The following DUX4 variants were observed in gnomAD, a reference collection of about 807,000 sequenced individuals.
DUX4 encodes the protein double homeobox protein 4.
chr4:190,180,009 C>CCGGTGT (rs1742524902), downstream of DUX4, among the ~76,000 whole-genome samples: 1 of 101,056 alleles, frequency 9.9e-6, no homozygotes, highest in Non-Finnish European at 2.0e-5. Flanking sequence ...AGAGCTTAAA[C>CCGGTGT]TAGAGTTACA....
downstream of DUX4, among the ~76,000 whole-genome samples, chr4:190,180,016 T>C (rs1579836412): frequency 6.9e-6 from 1 of 144,390 alleles, no homozygotes; most frequent in African/African-American, 2.8e-5. Context: ...AAACTAGAGT[T>C]ACATCACCTG....
chr4:190,175,652 C>A lies in DUX4; in HGVS notation c.*242C>A. 1 of 159,862 alleles carries A rather than the reference C, an allele frequency of 6.3e-6. No individual in the cohort carries two copies. Among genetic ancestry groups the A allele is most frequent in the Non-Finnish European group, 1.2e-5 (1 of 85,372 alleles). The allele number at this position is 159,862 out of a possible 1,614,324, so 9.9% of individuals were successfully genotyped here. A position where few individuals can be genotyped will look rare whatever the true frequency, so the allele number is the denominator to read the frequency against. On this transcript the variant is annotated 3_prime_UTR_variant, in exon 2 of 2. Coordinates refer to ENST00000565211, the MANE Select transcript of DUX4 (RefSeq NM_001306068.3). The stretch of plus-strand genomic sequence containing the variant: ...TTTGCCCGCTTCCTGGCTAGACCTG[C>A]GCGCAGTGCGCACCCCGGCTGACGT...
downstream of DUX4, among the ~76,000 whole-genome samples, chr4:190,179,014 G>GGC: frequency 8.9e-6 from 1 of 112,670 alleles, no homozygotes; most frequent in Middle Eastern, 4.7e-3. Flanking sequence ...TGGATGATTA[G>GGC]TGCAGAGTTA....
chr4:190,177,640 G>T (rs1311596463), downstream of DUX4, among the ~76,000 whole-genome samples: 999 of 32,652 alleles, frequency 0.031, no homozygotes, highest in Admixed American at 0.049. Context: ...CATCACCTGG[G>T]TGATCAGTGC....
intron 1 of DUX4, among the ~76,000 whole-genome samples, chr4:190,182,988 C>CGGGTTT (rs1486052909): frequency 0.046 from 1,411 of 30,856 alleles, 7 homozygotes; most frequent in East Asian, 0.14. Flanking sequence ...AGTTTGGATT[C>CGGGTTT]GGGTTCAGGT....
downstream of DUX4, among the ~76,000 whole-genome samples, chr4:190,177,419 A>C (rs2126568219): frequency 3.2e-4 from 48 of 147,800 alleles, no homozygotes; most frequent in Non-Finnish European, 5.1e-4. Flanking sequence ...AGTCTAGACA[A>C]GAGTTACATC....
At chr4:190,179,590 C>T (rs2126578728), downstream of DUX4, among the ~76,000 whole-genome samples, 1 of 152,318 alleles carries the variant, frequency 6.6e-6, no homozygotes, top group Admixed American at 6.5e-5. Context: ...GCTGTGTAGC[C>T]AGAGCCTAGA....
downstream of DUX4, among the ~76,000 whole-genome samples, chr4:190,179,031 A>C: frequency 6.7e-6 from 1 of 148,860 alleles, no homozygotes; most frequent in East Asian, 2.0e-4. Context: ...GTTATGTCAC[A>C]AAGTCCCTTT....
chr4:190,178,157 G>A (rs1579833863), downstream of DUX4, among the ~76,000 whole-genome samples: 1,471 of 134,988 alleles, frequency 0.011, 1 homozygote, highest in Non-Finnish European at 0.014. Context: ...CCCTCTGTAG[G>A]CAGAGACTAG....
At chr4:190,179,980 T>C (rs1742522082), downstream of DUX4, among the ~76,000 whole-genome samples, 1 of 152,100 alleles carries the variant, frequency 6.6e-6, no homozygotes, top group Non-Finnish European at 1.5e-5. Flanking sequence ...CAGAGATCTG[T>C]CACAATGCCC....
downstream of DUX4, among the ~76,000 whole-genome samples, chr4:190,176,651 G>T (rs1276071065): frequency 8.4e-6 from 1 of 119,352 alleles, no homozygotes; most frequent in Admixed American, 9.8e-5. Flanking sequence ...AGCCCCTGTA[G>T]GCAGAGCCTA....
downstream of DUX4, among the ~76,000 whole-genome samples, chr4:190,179,282 G>GATCATTGCAGTGATATGTCACAA (rs1742485050): frequency 2.1e-5 from 3 of 145,100 alleles, no homozygotes; most frequent in Admixed American, 7.1e-5. Context: ...TGACCTGGGT[G>GATCATTGCAGTGATATGTCACAA]ATCAGTGCAG....
At chr4:190,175,618 C>G (rs1187344708) in intron 1 of DUX4, 29 bp from the exon 2 acceptor site, 2 of 173,218 alleles carry the variant, frequency 1.2e-5, no homozygotes, top group African/African-American at 5.1e-5. Flanking sequence ...AAGCATACCT[C>G]TGTCTGTCTT....
At chr4:190,181,497 CCT>C (rs1742575074) in intron 1 of DUX4, among the ~76,000 whole-genome samples, 3 of 40,678 alleles carry the variant, frequency 7.4e-5, no homozygotes, top group Admixed American at 3.2e-4. Flanking sequence ...CACAAGGCCC[CCT>C]ATAGGCAGAG....
downstream of DUX4, among the ~76,000 whole-genome samples, chr4:190,177,727 A>AAG (rs1742382561): frequency 6.5e-5 from 9 of 138,812 alleles, no homozygotes; most frequent in Non-Finnish European, 9.6e-5. Flanking sequence ...GCAGAGATAT[A>AAG]TCACAATGCC....
chr4:190,182,257 A>T, intron 1 of DUX4: 1 of 122,374 alleles, frequency 8.2e-6, no homozygotes. Context: ...GGTGAGCATT[A>T]GGTTTAGGGT....
chr4:190,183,367 G>T (rs1742627277), intron 1 of DUX4: 1 of 105,386 alleles, frequency 9.5e-6, no homozygotes, highest in African/African-American at 2.7e-5. Context: ...TGCAGAAGCA[G>T]CTTCTCCTCT....
chr4:190,180,115 T>A (rs1742531931), downstream of DUX4, among the ~76,000 whole-genome samples: 1 of 93,136 alleles, frequency 1.1e-5, no homozygotes, highest in Non-Finnish European at 2.3e-5. Flanking sequence ...CAGAAATATG[T>A]GACAATGCCG....
intron 1 of DUX4, among the ~76,000 whole-genome samples, chr4:190,181,718 C>A (rs1579837994): frequency 1.6e-3 from 91 of 56,256 alleles, no homozygotes; most frequent in Admixed American, 3.7e-3. Context: ...GCAGATCCAA[C>A]ACAAGAGTTA....
Sources: gnomAD v4.1 joint callset for allele counts (sites outside exome capture counted in the v4.1 genomes callset) on GRCh38, gnomAD v4.1.1 for gene constraint, MANE v1.5 for transcripts, NCBI Gene and HGNC (gene_info 2026-07-23, HGNC 2026-07-21) for gene names.